PLCG2: variants seen among roughly 807,000 people sequenced by gnomAD.
PLCG2 encodes the protein phospholipase C gamma 2.
PLCG2 carries 69 observed loss-of-function variants against 175.6 expected under a neutral mutation model. That is an observed-to-expected ratio of 0.39 (90% CI 0.32 to 0.48). PLCG2 has a LOEUF of 0.48. Ranked by LOEUF, PLCG2 falls within the 20% of genes least tolerant of loss-of-function variation. The probability of loss-of-function intolerance (pLI) is 0.91; values close to 1 mark genes in which losing one functional copy is unlikely to be tolerated. For missense variants in PLCG2, 1,798 were observed against 1,650.9 expected (o/e 1.09, Z -1.54); for synonymous variants, 827 against 624.0 (o/e 1.33, Z -4.85).
At chr16:81,782,048 A>ATT (rs920453688) in intron 1 of PLCG2, among the ~76,000 whole-genome samples, 3 of 150,482 alleles carry the variant, frequency 2.0e-5, no homozygotes. Flanking sequence ...ATTGTTTTGT[A>ATT]TTTTTTTTTA....
chr16:81,756,906 C>T (rs556055407), intron 2 of PLCG2, among the ~76,000 whole-genome samples: 1 of 152,290 alleles, frequency 6.6e-6, no homozygotes, highest in African/African-American at 2.4e-5. Context: ...GCCTGGAACA[C>T]ACACACCGCG....
intron 9 of PLCG2, among the ~76,000 whole-genome samples, chr16:81,883,846 C>G (rs1008235410): frequency 3.3e-5 from 5 of 152,228 alleles, no homozygotes; most frequent in African/African-American, 1.2e-4. Context: ...CCTGTGGGCT[C>G]TGAGCCCAGC....
upstream of PLCG2, among the ~76,000 whole-genome samples, chr16:81,777,096 AC>A (rs1252426945): frequency 6.8e-6 from 1 of 147,784 alleles, no homozygotes; most frequent in Non-Finnish European, 1.5e-5. Context: ...ACTCAAAAAT[AC>A]TATAGGCTCA....
At chr16:81,922,500 C>G (rs764709311) in intron 21 of PLCG2, among the ~76,000 whole-genome samples, 1 of 152,360 alleles carries the variant, frequency 6.6e-6, no homozygotes, top group Admixed American at 6.5e-5. Flanking sequence ...TCATTATACA[C>G]ATGATCTCAT....
At chr16:81,759,557 G>A (rs1026670908) in intron 2 of PLCG2, among the ~76,000 whole-genome samples, 4 of 152,110 alleles carry the variant, frequency 2.6e-5, no homozygotes, top group Non-Finnish European at 2.9e-5. Context: ...CTCTTTCAGT[G>A]CCTCTGCCAC....
At chr16:81,908,365 C>A in intron 16 of PLCG2, 51 bp from the exon 17 acceptor site, 1 of 1,529,506 alleles carries the variant, frequency 6.5e-7, no homozygotes, top group Non-Finnish European at 9.0e-7. Context: ...TCTAGTGATG[C>A]TGGGGTTTGG....
rs756451585 is a variant in PLCG2, at chr16:81,939,969, T to C, written c.3391T>C (p.Phe1131Leu). 2.2e-5 allele frequency: 36 copies of C among 1,613,934 alleles called. No individual in the cohort carries two copies. The highest frequency in any genetic ancestry group is 2.5e-6 in the Non-Finnish European group (3 of 1,179,868). ...TFEIYDPNLA[F>L]LRFVVYEEDM... ...TGAAATTTATGACCCAAACCTGGCA[T>C]TTCTGCGCTTTGTGGTTTATGAAGA... Residue 1131 changes from phenylalanine to leucine, a missense_variant, in exon 30 of 33, where the codon TTT becomes CTT. Phe to Leu is a conservative substitution (Grantham distance 22). Coordinates refer to ENST00000564138, the MANE Select transcript of PLCG2 (RefSeq NM_002661.5).
At chr16:81,942,079 T>TAACAGATTTCTTTTTATGGTAACTGC (rs1910965000) in intron 30 of PLCG2, among the ~76,000 whole-genome samples, 1 of 152,174 alleles carries the variant, frequency 6.6e-6, no homozygotes, top group African/African-American at 2.4e-5. Flanking sequence ...CTTGACGCTG[T>TAACAGATTTCTTTTTATGGTAACTGC]AACAGATTTC....
chr16:81,910,778 A>G (rs1337347389), intron 18 of PLCG2, 58 bp downstream of exon 18: 7 of 1,498,544 alleles, frequency 4.7e-6, no homozygotes, highest in Middle Eastern at 1.8e-4. Flanking sequence ...TCCACCAGGC[A>G]GAGAAGCTGG....
chr16:81,928,768 G>A, intron 24 of PLCG2, 144 bp downstream of exon 24: 1 of 648,804 alleles, frequency 1.5e-6, no homozygotes, highest in Non-Finnish European at 2.9e-6. Context: ...GAGTATTTAG[G>A]TCAGGCTGGT....
intron 9 of PLCG2, among the ~76,000 whole-genome samples, chr16:81,885,705 C>T (rs903304033): frequency 1.5e-4 from 23 of 152,270 alleles, no homozygotes; most frequent in African/African-American, 4.3e-4. Flanking sequence ...ATCCGATACC[C>T]AGCCTGCATT....
At chr16:81,849,984 A>G (rs1350183718) in intron 2 of PLCG2, among the ~76,000 whole-genome samples, 1 of 152,256 alleles carries the variant, frequency 6.6e-6, no homozygotes, top group Non-Finnish European at 1.5e-5. Context: ...TAAAGCAGTT[A>G]TATCAGCCAT....
chr16:81,950,939 CAAAT>C (rs573621282), intron 31 of PLCG2, among the ~76,000 whole-genome samples: 2 of 151,362 alleles, frequency 1.3e-5, no homozygotes, highest in Non-Finnish European at 3.0e-5. Context: ...GAATAAAACA[CAAAT>C]AAAAATAAAA....
At chr16:81,872,309 C>A (rs1304656273) in intron 7 of PLCG2, among the ~76,000 whole-genome samples, 1 of 152,182 alleles carries the variant, frequency 6.6e-6, no homozygotes, top group Non-Finnish European at 1.5e-5. Context: ...GCCTGGGCAA[C>A]AGAGTGAGAC....
chr16:81,809,272 G>A (rs1191581485), intron 2 of PLCG2, among the ~76,000 whole-genome samples: 2 of 152,120 alleles, frequency 1.3e-5, no homozygotes, highest in Non-Finnish European at 2.9e-5. Flanking sequence ...TGTGGTGCAG[G>A]ATAGGCTGGG....
intron 2 of PLCG2, among the ~76,000 whole-genome samples, chr16:81,811,044 A>T (rs2143293147): frequency 6.6e-6 from 1 of 152,262 alleles, no homozygotes; most frequent in South Asian, 2.1e-4. Flanking sequence ...GGCCACATTT[A>T]ACCTGTGTAC....
chr16:81,886,278 A>T (rs1325679887), intron 9 of PLCG2, among the ~76,000 whole-genome samples: 1 of 152,176 alleles, frequency 6.6e-6, no homozygotes, highest in Non-Finnish European at 1.5e-5. Context: ...GCCAGGAGAA[A>T]GTGTAGGAAA....
chr16:81,881,193 G>A (rs1244358634), intron 8 of PLCG2, among the ~76,000 whole-genome samples: 1 of 152,310 alleles, frequency 6.6e-6, no homozygotes, highest in East Asian at 1.9e-4. Context: ...AAGCCTGTGT[G>A]CCTCAGGGCC....
chr16:81,931,504 C>A lies in PLCG2; in HGVS notation c.2589C>A (p.Ala863=). 6.2e-7 allele frequency: 1 copy of A among 1,613,888 alleles called. No homozygotes were observed. Among genetic ancestry groups the A allele is most frequent in the Non-Finnish European group, 8.5e-7 (1 of 1,179,882 alleles). ...LDLNTYNVVK[A]PQGKNQKSFV... is the part of the protein sequence containing the mutation. ...TTATTCTCTTACCCCAAGTGAAAGC[C>A]CCTCAGGGAAAAAACCAGAAGTCCT... Residue 863 remains alanine (A), a synonymous_variant, in exon 25 of 33, where the codon GCC becomes GCA. Transcript: ENST00000564138.
Sources: allele counts gnomAD v4.1 joint callset (sites outside exome capture counted in the v4.1 genomes callset), GRCh38; gene constraint gnomAD v4.1.1; transcripts MANE v1.5; gene names NCBI Gene and HGNC (gene_info 2026-07-23, HGNC 2026-07-21).